Variants in IGF2BP1 observed in about 807,000 individuals in gnomAD.
IGF2BP1 encodes the protein insulin like growth factor 2 mRNA binding protein 1, also known as insulin-like growth factor 2 mRNA-binding protein 1.
IGF2BP1 carries 11 observed loss-of-function variants against 74.9 expected under a neutral mutation model. The ratio of observed to expected loss-of-function variants is 0.15; its 90% CI spans 0.09 to 0.24. IGF2BP1 has a LOEUF of 0.24. Among genes scored for constraint, IGF2BP1 ranks in the 10% least tolerant of loss-of-function variants. The probability of loss-of-function intolerance (pLI) is 1.00; values close to 1 mark genes in which losing one functional copy is unlikely to be tolerated. For synonymous variants in IGF2BP1, 287 were observed against 281.8 expected, an observed-to-expected ratio of 1.02 and a Z score of -0.18; for missense variants, 440 against 757.4, an observed-to-expected ratio of 0.58 and a Z score of 4.92.
intron 5 of IGF2BP1, among the ~76,000 whole-genome samples, chr17:49,032,313 T>TA (rs1491177990): frequency 6.6e-6 from 1 of 152,068 alleles, no homozygotes; most frequent in East Asian, 1.9e-4. Flanking sequence ...TCCAGGACCT[T>TA]AGAGTCCTTT....
Position 49,005,790 on chromosome 17 carries a change from G to A in IGF2BP1, c.236+6621G>A, listed in dbSNP as rs77842818. ...TCAATCACTCATTCAGGACAGGCAC[G>A]GTGGCTCACATCTGCAATCCTAGCA... On this transcript the variant is annotated intron_variant, in intron 2 of 14. Transcript: ENST00000290341. Among the ~76,000 whole-genome samples, 468 of 151,954 alleles carry A rather than the reference G, an allele frequency of 3.1e-3. 1 individual carries two copies. Among genetic ancestry groups the A allele is most frequent in the African/African-American group, 0.011 (449 of 41,428 alleles).
intron 2 of IGF2BP1, among the ~76,000 whole-genome samples, chr17:49,004,071 C>G (rs1003864736): frequency 6.6e-6 from 1 of 152,130 alleles, no homozygotes; most frequent in Admixed American, 6.6e-5. Context: ...CGCCCGCCCC[C>G]GCGCCAGTCC....
chr17:49,045,306 C>A (rs1181174960), intron 12 of IGF2BP1, among the ~76,000 whole-genome samples: 1 of 152,224 alleles, frequency 6.6e-6, no homozygotes, highest in Non-Finnish European at 1.5e-5. Flanking sequence ...GGAAAGAAGT[C>A]TGAGGGCATC....
rs1212256894 is a variant in IGF2BP1, at chr17:49,051,490, A to C, written c.*2046A>C. The C allele has an allele frequency of 6.6e-6, 1 of 152,338 alleles. No individual in the cohort carries two copies. Among genetic ancestry groups the C allele is most frequent in the African/African-American group, 2.4e-5 (1 of 41,434 alleles). The allele number at this position is 152,338 out of a possible 1,614,324, so 9.4% of individuals were successfully genotyped here. Reference sequence around the variant, plus strand: ...GCCCCAGCTGCTGGCGGCTGCTGGAATATCCTACCTGATAGGATTAAAAGG... The same window carrying C: ...GCCCCAGCTGCTGGCGGCTGCTGGACTATCCTACCTGATAGGATTAAAAGG... On this transcript the variant is annotated 3_prime_UTR_variant, in exon 15 of 15. Coordinates refer to ENST00000290341, the MANE Select transcript of IGF2BP1 (RefSeq NM_006546.4).
rs374599904 is a variant in IGF2BP1, at chr17:49,049,511, G to A, written c.*67G>A. On this transcript the variant is annotated 3_prime_UTR_variant, in exon 15 of 15. Transcript: ENST00000290341. ...CAGAAATCGAGAGTGTGCTCTCCCC[G>A]GCAGGCCTGAGAATGAGTGGGAATC... The A allele has an allele frequency of 5.0e-6, 7 of 1,389,588 alleles. No homozygotes were observed. The highest frequency in any genetic ancestry group is 1.8e-5 in the Admixed American group (1 of 54,810). The allele number at this position is 1,389,588 out of a possible 1,614,324, so 86.1% of individuals were successfully genotyped here.
At chr17:49,010,311 A>ATT in intron 2 of IGF2BP1, among the ~76,000 whole-genome samples, 1 of 129,994 alleles carries the variant, frequency 7.7e-6, no homozygotes, top group African/African-American at 3.1e-5. Flanking sequence ...CATGGTGGTC[A>ATT]TCTTTTTTTT....
intron 2 of IGF2BP1, among the ~76,000 whole-genome samples, chr17:49,007,172 T>G (rs1405171013): frequency 6.6e-6 from 1 of 152,170 alleles, no homozygotes; most frequent in Non-Finnish European, 1.5e-5. Flanking sequence ...CCCCATCTGC[T>G]GGGATGGGTA....
At chr17:49,030,103 G>T (rs1427639989) in intron 4 of IGF2BP1, among the ~76,000 whole-genome samples, 1 of 149,536 alleles carries the variant, frequency 6.7e-6, no homozygotes. Context: ...TTTCTTTCTA[G>T]ACTTCTACAG....
intron 2 of IGF2BP1, chr17:49,012,618 C>G (rs909736755): frequency 6.6e-6 from 1 of 152,176 alleles, no homozygotes; most frequent in African/African-American, 2.4e-5. Context: ...AGGGGAAGGT[C>G]AGGGATTGAG....
intron 14 of IGF2BP1, among the ~76,000 whole-genome samples, chr17:49,047,003 A>G (rs1350287227): frequency 6.6e-6 from 1 of 152,174 alleles, no homozygotes; most frequent in Non-Finnish European, 1.5e-5. Context: ...GTGTTTTCCT[A>G]AAGTCTTAAA....
chr17:49,015,456 C>G (rs891389315), intron 2 of IGF2BP1, among the ~76,000 whole-genome samples: 3 of 152,336 alleles, frequency 2.0e-5, no homozygotes, highest in African/African-American at 7.2e-5. Flanking sequence ...AACTTCCCTT[C>G]CCACTGCCAG....
chr17:49,030,626 T>C (rs2144077213), intron 4 of IGF2BP1, among the ~76,000 whole-genome samples: 1 of 152,138 alleles, frequency 6.6e-6, no homozygotes, highest in African/African-American at 2.4e-5. Flanking sequence ...AGTTGAACTT[T>C]TTTTTTTTTT....
intron 14 of IGF2BP1, among the ~76,000 whole-genome samples, chr17:49,046,672 T>A (rs2042111170): frequency 6.7e-6 from 1 of 149,848 alleles, no homozygotes; most frequent in African/African-American, 2.4e-5. Context: ...TGTAAATATA[T>A]ATATATATGT....
chr17:49,009,936 C>G (rs538325607), intron 2 of IGF2BP1, among the ~76,000 whole-genome samples: 3 of 151,778 alleles, frequency 2.0e-5, no homozygotes, highest in Non-Finnish European at 4.4e-5. Context: ...AAAAATTAGT[C>G]GGGCGTGGTG....
intron 4 of IGF2BP1, 94 bp downstream of exon 4, chr17:49,026,611 C>CCCTTCCTT (rs745311533): frequency 9.7e-7 from 1 of 1,029,154 alleles, no homozygotes; most frequent in Non-Finnish European, 1.5e-6. Flanking sequence ...TTCTTTTTCT[C>CCCTTCCTT]CCTTCCTTCC....
Position 48,997,916 on chromosome 17 carries a change from C to T in IGF2BP1, c.171C>T (p.Phe57=), listed in dbSNP as rs987277426. 6.2e-7 allele frequency: 1 copy of T among 1,613,700 alleles called. No homozygotes were observed. Among genetic ancestry groups the T allele is most frequent in the Non-Finnish European group, 8.5e-7 (1 of 1,179,882 alleles). ...EHWAMKAIET[F]SGKVELQGKR... ...GGGCGATGAAGGCCATCGAAACTTT[C>T]TCCGGTAAGAACACAGCCACCTCCC... is the stretch of plus-strand genomic sequence containing the variant. The change falls in exon 1 of 15, where the codon TTC becomes TTT. Residue 57 remains phenylalanine, a synonymous_variant. Transcript: ENST00000290341. The surrounding 1 kb of genome is among the most constrained non-coding windows in gnomAD (Gnocchi z 4.8).
rs2042159045 is a variant in IGF2BP1 at position 49,050,858 on chromosome 17, C to T, written c.*1414C>T. The T allele has an allele frequency of 6.6e-6, 1 of 152,602 alleles. No homozygotes were observed. Among genetic ancestry groups the T allele is most frequent in the Non-Finnish European group, 1.5e-5 (1 of 68,044 alleles). 9.5% of individuals were successfully genotyped at this position (152,602 alleles called of 1,614,324 possible). On this transcript the variant is annotated 3_prime_UTR_variant, in exon 15 of 15. Coordinates refer to ENST00000290341, the MANE Select transcript of IGF2BP1 (RefSeq NM_006546.4). ...CCATCAGTTAAATGAGGTTAGGCCT[C>T]TCCTCCTAATATACTGATTGACAAT...
intron 2 of IGF2BP1, among the ~76,000 whole-genome samples, chr17:49,020,865 C>T (rs1272086531): frequency 1.3e-5 from 2 of 151,706 alleles, no homozygotes; most frequent in East Asian, 1.9e-4. Context: ...TGTGGTGGCT[C>T]ACATCTATAC....
At position 49,025,676 on chromosome 17, in the gene IGF2BP1, T is replaced by G. The variant is rs1567818401; in HGVS notation, c.285+10T>G. 1 of 1,610,264 alleles carries G rather than the reference T, an allele frequency of 6.2e-7. No individual in the cohort carries two copies. Among genetic ancestry groups the G allele is most frequent in the Admixed American group, 1.7e-5 (1 of 59,864 alleles). ...CCAGCTCCGATGGGAAGTAAGTGTT[T>G]GGGGGAAACTCTAAATGGAGTGGGA... On this transcript the variant is annotated intron_variant, in intron 3 of 14. Coordinates refer to ENST00000290341, the MANE Select transcript of IGF2BP1 (RefSeq NM_006546.4).
Sources: gnomAD v4.1 joint callset for allele counts (sites outside exome capture counted in the v4.1 genomes callset) on GRCh38, gnomAD v4.1.1 for gene constraint, Gnocchi (gnomAD v3.1) non-coding constraint, MANE v1.5 for transcripts, NCBI Gene and HGNC (gene_info 2026-07-23, HGNC 2026-07-21) for gene names.